The following ENPP6 variants were observed in gnomAD, a reference collection of about 807,000 sequenced individuals.
The protein encoded by ENPP6 is glycerophosphocholine cholinephosphodiesterase ENPP6.
Under a neutral mutation model 42.0 loss-of-function variants are expected in ENPP6, and 32 were observed. The ratio of observed to expected loss-of-function variants is 0.76; its 90% CI spans 0.58 to 1.02. The LOEUF is 1.02. Among genes scored for constraint, ENPP6 ranks in the 50% least tolerant of loss-of-function variants. ENPP6 has a pLI of 0.00. For missense variants in ENPP6, 552 were observed against 566.8 expected (o/e 0.97, Z 0.27); for synonymous variants, 213 against 216.0 (o/e 0.99, Z 0.12).
chr4:184,213,397 AAAAC>A (rs1733147648), intron 1 of ENPP6, among the ~76,000 whole-genome samples: 1 of 152,116 alleles, frequency 6.6e-6, no homozygotes, highest in Admixed American at 6.5e-5. Context: ...TTACAAGAAA[AAAAC>A]AAACAACCCC....
Position 184,113,899 on chromosome 4 carries a change from T to TTTTCTTTCTTTCTTTCTTTC in ENPP6, c.856-1110_856-1091dup, listed in dbSNP as rs70959170. Among the ~76,000 whole-genome samples the TTTTCTTTCTTTCTTTCTTTC allele has an allele frequency of 1.0e-3, 107 of 103,714 alleles. 2 individuals carry two copies. The highest frequency in any genetic ancestry group is 2.2e-3 in the East Asian group (8 of 3,672). The allele number at this position is 103,714 out of a possible 152,430, so 68.0% of individuals were successfully genotyped here. A position where few individuals can be genotyped will look rare whatever the true frequency, so the allele number is the denominator to read the frequency against. ...TCTTTCTTTTTCCTTCCTTTCTTTC[T>TTTTCTTTCTTTCTTTCTTTC]TTTCTTTCTTTCTTTCTTTCTTTCT... On this transcript the variant is annotated intron_variant, in intron 5 of 7. Coordinates refer to ENST00000296741, the MANE Select transcript of ENPP6 (RefSeq NM_153343.4).
chr4:184,166,535 T>A (rs1212348215), intron 1 of ENPP6, among the ~76,000 whole-genome samples: 1 of 152,228 alleles, frequency 6.6e-6, no homozygotes, highest in African/African-American at 2.4e-5. Flanking sequence ...TAAACACTTT[T>A]TACTTTTAGA....
intron 1 of ENPP6, among the ~76,000 whole-genome samples, chr4:184,160,737 ATC>A (rs1244300026): frequency 1.3e-5 from 2 of 152,250 alleles, no homozygotes; most frequent in South Asian, 4.2e-4. Flanking sequence ...ACTGGTTCCA[ATC>A]CTACTTCCAC....
At chr4:184,216,905 G>C (rs1454692177) in intron 1 of ENPP6, 1 of 152,166 alleles carries the variant, frequency 6.6e-6, no homozygotes, top group East Asian at 1.9e-4. Flanking sequence ...GTTTTTGTTT[G>C]TTTTGTGGAG....
At chr4:184,132,030 T>C (rs1428886815) in intron 2 of ENPP6, among the ~76,000 whole-genome samples, 1 of 152,130 alleles carries the variant, frequency 6.6e-6, no homozygotes, top group African/African-American at 2.4e-5. Flanking sequence ...GCTGAAGCGA[T>C]TAGGTAGGAA....
At chr4:184,153,403 C>A (rs1737090656) in intron 2 of ENPP6, 151 bp downstream of exon 2, 2 of 886,020 alleles carry the variant, frequency 2.3e-6, no homozygotes, top group South Asian at 2.2e-5. Context: ...GGATTACAGG[C>A]CTGAGCCACC....
chr4:184,092,297 A>T (rs1276652598), intron 7 of ENPP6, among the ~76,000 whole-genome samples: 15 of 152,094 alleles, frequency 9.9e-5, no homozygotes, highest in Admixed American at 9.2e-4. Flanking sequence ...AGATGAGTGG[A>T]ACACTCTTTG....
chr4:184,130,851 C>A (rs1736594630), intron 2 of ENPP6, among the ~76,000 whole-genome samples: 1 of 152,150 alleles, frequency 6.6e-6, no homozygotes, highest in African/African-American at 2.4e-5. Flanking sequence ...TTTCCAACTG[C>A]CTTGTAATAT....
At chr4:184,200,398 G>A (rs565795796) in intron 1 of ENPP6, among the ~76,000 whole-genome samples, 23 of 152,294 alleles carry the variant, frequency 1.5e-4, no homozygotes, top group Admixed American at 1.2e-3. Context: ...TCTGTGGTGC[G>A]TGGAGGCCTC....
At chr4:184,137,236 A>G (rs921201754) in intron 2 of ENPP6, among the ~76,000 whole-genome samples, 2 of 152,192 alleles carry the variant, frequency 1.3e-5, no homozygotes, top group African/African-American at 4.8e-5. Flanking sequence ...AGCTGGGACT[A>G]CAGGCACCCA....
intron 1 of ENPP6, among the ~76,000 whole-genome samples, chr4:184,179,380 T>A (rs1732511349): frequency 6.6e-6 from 1 of 152,084 alleles, no homozygotes; most frequent in Admixed American, 6.6e-5. Context: ...ATAAAACAAG[T>A]TTTTAGAGAC....
intron 1 of ENPP6, among the ~76,000 whole-genome samples, chr4:184,193,018 C>A (rs1357015568): frequency 1.3e-5 from 2 of 152,086 alleles, no homozygotes; most frequent in Admixed American, 1.3e-4. Flanking sequence ...GATGTCAGAA[C>A]CTCACACATT....
intron 1 of ENPP6, among the ~76,000 whole-genome samples, chr4:184,174,200 C>T (rs570767026): frequency 1.7e-4 from 26 of 148,714 alleles, no homozygotes; most frequent in African/African-American, 5.0e-4. Flanking sequence ...AGCAGTGGTG[C>T]GATCTCGGCT....
intron 1 of ENPP6, among the ~76,000 whole-genome samples, chr4:184,189,569 G>A (rs1379120316): frequency 6.6e-6 from 1 of 152,204 alleles, no homozygotes; most frequent in Non-Finnish European, 1.5e-5. Flanking sequence ...CATGACCAAT[G>A]ACAGTCCTGC....
chr4:184,134,869 T>C (rs1310177697), intron 2 of ENPP6, among the ~76,000 whole-genome samples: 1 of 151,412 alleles, frequency 6.6e-6, no homozygotes, highest in African/African-American at 2.4e-5. Context: ...AGGATGGCTT[T>C]AGCTGCATTC....
intron 7 of ENPP6, among the ~76,000 whole-genome samples, chr4:184,094,723 GGCTGCCTTCCCAGTGGGGCTT>G (rs1350172496): frequency 6.6e-6 from 1 of 152,232 alleles, no homozygotes; most frequent in Non-Finnish European, 1.5e-5. Flanking sequence ...GGCCACCTGG[GGCTGCCTTCCCAGTGGGGCTT>G]GCTAGCTCGC....
At chr4:184,146,409 T>A (rs530464583) in intron 2 of ENPP6, among the ~76,000 whole-genome samples, 6 of 146,182 alleles carry the variant, frequency 4.1e-5, no homozygotes, top group African/African-American at 1.5e-4. Flanking sequence ...CAGCCTGGGC[T>A]CCAGAGCGAG....
intron 1 of ENPP6, among the ~76,000 whole-genome samples, chr4:184,178,549 C>T (rs1321226279): frequency 6.6e-6 from 1 of 152,146 alleles, no homozygotes; most frequent in Non-Finnish European, 1.5e-5. Context: ...ATGAGAAGAT[C>T]AACCAACCCT....
intron 1 of ENPP6, among the ~76,000 whole-genome samples, chr4:184,190,088 C>G (rs13118044): frequency 0.48 from 72,210 of 151,982 alleles, 18,881 homozygotes; most frequent in East Asian, 0.95. Flanking sequence ...AATAGAAAAC[C>G]TACCACACAC....
Sources: allele counts gnomAD v4.1 joint callset (sites outside exome capture counted in the v4.1 genomes callset), GRCh38; gene constraint gnomAD v4.1.1; transcripts MANE v1.5; gene names NCBI Gene and HGNC (gene_info 2026-07-23, HGNC 2026-07-21).